KPNA1: variants seen among roughly 807,000 people sequenced by gnomAD.
KPNA1 encodes the protein karyopherin subunit alpha 1.
In KPNA1, 10 loss-of-function variants were observed where a neutral mutation model predicts 70.5. That is an observed-to-expected ratio of 0.14 (90% CI 0.09 to 0.24). The LOEUF is 0.24. KPNA1 is among the 10% of genes least tolerant of loss of function. KPNA1 has a pLI of 1.00. For synonymous variants in KPNA1, 192 were observed against 221.9 expected (o/e 0.87, Z 1.20); for missense variants, 397 against 637.9 (o/e 0.62, Z 4.07).
intron 2 of KPNA1, among the ~76,000 whole-genome samples, chr3:122,485,021 T>C (rs2076613330): frequency 6.6e-6 from 1 of 152,152 alleles, no homozygotes; most frequent in South Asian, 2.1e-4. Flanking sequence ...CCTCGGCCTC[T>C]TGAGTATCTG....
chr3:122,429,561 A>G (rs371645863), intron 12 of KPNA1, among the ~76,000 whole-genome samples: 1 of 146,730 alleles, frequency 6.8e-6, no homozygotes, highest in East Asian at 2.0e-4. Flanking sequence ...CTGATGATCT[A>G]AAAAAAAAAA....
chr3:122,452,572 G>GGAA (rs2076216864), intron 6 of KPNA1, among the ~76,000 whole-genome samples: 3 of 22,416 alleles, frequency 1.3e-4, no homozygotes, highest in Non-Finnish European at 1.8e-4. Flanking sequence ...GAGGGAAGGA[G>GGAA]GGAAGGAAGG....
At chr3:122,502,507 G>A (rs2076840514) in intron 1 of KPNA1, among the ~76,000 whole-genome samples, 2 of 152,202 alleles carry the variant, frequency 1.3e-5, no homozygotes, top group Non-Finnish European at 2.9e-5. Flanking sequence ...AACTCTGCTG[G>A]CACCTTGATC....
intron 10 of KPNA1, among the ~76,000 whole-genome samples, chr3:122,438,158 C>T (rs946816660): frequency 1.4e-4 from 21 of 152,070 alleles, no homozygotes; most frequent in Admixed American, 1.0e-3. Flanking sequence ...GAATGGTCAG[C>T]GCCATCCCCA....
intron 5 of KPNA1, chr3:122,459,436 T>A: frequency 1.0e-6 from 1 of 985,410 alleles, no homozygotes; most frequent in Non-Finnish European, 1.2e-6. Flanking sequence ...TAATTTTCCC[T>A]ACCTCCCTCT....
At chr3:122,459,994 G>A (rs1350503657) in intron 5 of KPNA1, 1 of 985,328 alleles carries the variant, frequency 1.0e-6, no homozygotes, top group Non-Finnish European at 1.2e-6. Context: ...CAGCCTTAGA[G>A]TAAAGAACAG....
chr3:122,495,726 CAAAAA>C (rs397876048), intron 2 of KPNA1, among the ~76,000 whole-genome samples: 3 of 67,944 alleles, frequency 4.4e-5, no homozygotes, highest in African/African-American at 1.4e-4. Context: ...CTCTCCTTAG[CAAAAA>C]AAAAAAAAAA....
intron 5 of KPNA1, among the ~76,000 whole-genome samples, chr3:122,456,329 T>TA (rs2076264549): frequency 1.3e-5 from 2 of 151,796 alleles, no homozygotes; most frequent in Non-Finnish European, 2.9e-5. Flanking sequence ...ACTGCAAACA[T>TA]AAAGTCAAAT....
At chr3:122,434,271 A>C (rs960616708) in intron 11 of KPNA1, among the ~76,000 whole-genome samples, 2 of 152,210 alleles carry the variant, frequency 1.3e-5, no homozygotes, top group Non-Finnish European at 2.9e-5. Flanking sequence ...GGTATCACTG[A>C]AAACATCTTC....
rs538135958 is a variant in KPNA1, at chr3:122,424,490, GAA to G, written c.*2493_*2494del. ...AAAAAATCATTTTATTGTTAAAAAA[GAA>G]AAAAAAACTTAGATCTTATAGTTCA... On this transcript the variant is annotated 3_prime_UTR_variant, in exon 14 of 14. Coordinates refer to ENST00000344337, the MANE Select transcript of KPNA1 (RefSeq NM_002264.4). The G allele has an allele frequency of 1.3e-5, 2 of 150,852 alleles. No homozygotes were observed. The highest frequency in any genetic ancestry group is 3.0e-5 in the Non-Finnish European group (2 of 67,540). 9.3% of individuals were successfully genotyped at this position (150,852 alleles called of 1,614,324 possible).
rs1421311959 is a variant in KPNA1 at position 122,425,212 on chromosome 3, A to C, written c.*1773T>G. On this transcript the variant is annotated 3_prime_UTR_variant, in exon 14 of 14. Transcript: ENST00000344337. ...CTTTGACTCTTTCTAGTTTGAATGA[A>C]GTGGATTTTTTAAAAGTTTAAATCA... 2.6e-5 allele frequency: 4 copies of C among 152,652 alleles called. No individual in the cohort carries two copies. The highest frequency in any genetic ancestry group is 9.6e-5 in the African/African-American group (4 of 41,452). 9.5% of individuals were successfully genotyped at this position (152,652 alleles called of 1,614,324 possible). A position where few individuals can be genotyped will look rare whatever the true frequency, so the allele number is the denominator to read the frequency against.
At chr3:122,434,017 G>A (rs533313684) in intron 11 of KPNA1, among the ~76,000 whole-genome samples, 54 of 152,094 alleles carry the variant, frequency 3.6e-4, no homozygotes, top group African/African-American at 1.2e-3. Flanking sequence ...GCTCACTGCA[G>A]CTTCCACCTC....
intron 2 of KPNA1, among the ~76,000 whole-genome samples, chr3:122,490,967 T>A (rs532455354): frequency 1.3e-5 from 2 of 152,318 alleles, no homozygotes; most frequent in South Asian, 4.1e-4. Context: ...TTTATATGAT[T>A]ACCAAAAGCA....
intron 2 of KPNA1, among the ~76,000 whole-genome samples, chr3:122,494,971 G>C (rs544429244): frequency 7.2e-5 from 11 of 152,078 alleles, no homozygotes; most frequent in African/African-American, 2.4e-4. Context: ...AGATTTCTGA[G>C]AATAAAAGGA....
chr3:122,427,342 G>T, intron 13 of KPNA1, 170 bp from the exon 14 acceptor site: 3 of 723,740 alleles, frequency 4.1e-6, no homozygotes, highest in Non-Finnish European at 6.7e-6. Context: ...TGACTGCTGG[G>T]ATTACATCTG....
intron 2 of KPNA1, among the ~76,000 whole-genome samples, chr3:122,488,297 G>T (rs1049750901): frequency 6.6e-6 from 1 of 152,188 alleles, no homozygotes; most frequent in African/African-American, 2.4e-5. Context: ...AAGGCAGGAG[G>T]ATTGCTTGAG....
At chr3:122,434,248 C>T (rs2075954798) in intron 11 of KPNA1, among the ~76,000 whole-genome samples, 1 of 152,154 alleles carries the variant, frequency 6.6e-6, no homozygotes, top group African/African-American at 2.4e-5. Context: ...ATCCCTAATC[C>T]TTATTCTGTC....
rs750561762 is a variant in KPNA1 at position 122,449,558 on chromosome 3, C to T, written c.917+16G>A. The T allele has an allele frequency of 2.1e-5, 33 of 1,598,734 alleles. No homozygotes were observed. In the Admixed American group the frequency reaches 5.7e-4, roughly 28 times the overall value. On this transcript the variant is annotated intron_variant, in intron 9 of 13. Coordinates refer to ENST00000344337, the MANE Select transcript of KPNA1 (RefSeq NM_002264.4). Reference sequence around the variant, plus strand: ...AAGGGAGAGAAAGTGGACACACTTTCTAAAAGATATCTTACATCAGCAGTT... The same window carrying T: ...AAGGGAGAGAAAGTGGACACACTTTTTAAAAGATATCTTACATCAGCAGTT...
intron 5 of KPNA1, among the ~76,000 whole-genome samples, chr3:122,455,897 T>C (rs138401178): frequency 9.4e-4 from 143 of 152,220 alleles, no homozygotes; most frequent in Non-Finnish European, 1.9e-3. Flanking sequence ...TCGCAGATGA[T>C]CCCTACAACA....
Sources: allele counts gnomAD v4.1 joint callset (sites outside exome capture counted in the v4.1 genomes callset), GRCh38; gene constraint gnomAD v4.1.1; transcripts MANE v1.5; gene names NCBI Gene and HGNC (gene_info 2026-07-23, HGNC 2026-07-21).